ATAD5: variants seen among roughly 807,000 people sequenced by gnomAD.
ATAD5 encodes ATPase family AAA domain-containing protein 5.
Under a neutral mutation model 176.9 loss-of-function variants are expected in ATAD5, and 58 were observed. The observed-to-expected ratio is 0.33, with a 90% confidence interval of 0.27 to 0.41. The LOEUF is 0.41. ATAD5 is among the 10% of genes least tolerant of loss of function. ATAD5 has a pLI of 1.00. For synonymous variants in ATAD5, 640 were observed against 712.6 expected (o/e 0.90, Z 1.62); for missense variants, 1,789 against 2,094.1 (o/e 0.85, Z 2.84).
chr17:30,837,104 G>T (rs1344149038), intron 2 of ATAD5, 102 bp from the exon 3 acceptor site: 1 of 656,676 alleles, frequency 1.5e-6, no homozygotes, highest in Admixed American at 3.7e-5. Context: ...GGGATTACAT[G>T]CAGATGCCAC....
chr17:30,833,403 A>C (rs1400224594), intron 1 of ATAD5, among the ~76,000 whole-genome samples: 4 of 152,196 alleles, frequency 2.6e-5, no homozygotes, highest in Non-Finnish European at 5.9e-5. Context: ...TGTTAGGGGT[A>C]AGAACCTTAA....
rs770420358 is a variant in ATAD5, at chr17:30,893,984, G to A, written c.5131G>A (p.Ala1711Thr). 4 of 1,613,928 alleles carry A rather than the reference G, an allele frequency of 2.5e-6. No homozygotes were observed. The highest frequency in any genetic ancestry group is 2.5e-6 in the Non-Finnish European group (3 of 1,179,902). Residue 1711 changes from alanine to threonine, a missense_variant, in exon 21 of 23, where the codon GCT becomes ACT. Around this residue, in one of 6 missense-constraint regions of ATAD5, gnomAD observed 403 missense variants for 495.1 expected, o/e 0.81. Coordinates refer to ENST00000321990, the MANE Select transcript of ATAD5 (RefSeq NM_024857.5). The stretch of plus-strand genomic sequence containing the variant: ...TCAAAGCTCTGGAGAATTAAAGGCA[G>A]CTGCAGAAGCTCTCAGCTTTACTAA... ...TSQSSGELKA[A>T]AEALSFTKCS...
In ATAD5 at chr17:30,877,569, C is replaced by T; in HGVS notation, c.3918+20C>T. 1 of 1,588,160 alleles carries T rather than the reference C, an allele frequency of 6.3e-7. No individual in the cohort carries two copies. Among genetic ancestry groups the T allele is most frequent in the Non-Finnish European group, 8.5e-7 (1 of 1,172,016 alleles). On this transcript the variant is annotated intron_variant, in intron 16 of 22. Coordinates refer to ENST00000321990, the MANE Select transcript of ATAD5 (RefSeq NM_024857.5). ...GAGGAGGTAGGCTTATAGAAGTATA[C>T]ATTTGTGAGAGCTCATGATAAAGAC...
At chr17:30,881,592 C>T (rs966005653) in intron 18 of ATAD5, among the ~76,000 whole-genome samples, 7 of 151,990 alleles carry the variant, frequency 4.6e-5, no homozygotes, top group South Asian at 4.1e-4. Context: ...CGTGAGCCAC[C>T]GCGCCCGACC....
rs1908218047 is a variant in ATAD5, at chr17:30,869,531, T to C, written c.3492T>C (p.Gly1164=). 6.2e-7 allele frequency: 1 copy of C among 1,613,076 alleles called. No individual in the cohort carries two copies. The change falls in exon 14 of 23, where the codon GGT becomes GGC. Residue 1164 remains glycine, a synonymous_variant. Coordinates refer to ENST00000321990, the MANE Select transcript of ATAD5 (RefSeq NM_024857.5). ...TGAATGCCTCTTCCCAGCGCAGTGG[T>C]AGACAAATTCTATCTCAGTTGAAGG... ...FEVNASSQRS[G]RQILSQLKEA... is the part of the protein sequence containing the mutation.
At chr17:30,891,134 C>T (rs1012456107) in intron 19 of ATAD5, among the ~76,000 whole-genome samples, 12 of 152,220 alleles carry the variant, frequency 7.9e-5, no homozygotes, top group Admixed American at 3.3e-4. Flanking sequence ...GGGTCACAAA[C>T]GGTGTATATA....
chr17:30,862,784 T>G (rs1477984800), intron 10 of ATAD5: 1 of 152,230 alleles, frequency 6.6e-6, no homozygotes. Flanking sequence ...TATTGATTTA[T>G]TCATTTATAT....
rs533945474 is a variant in ATAD5, at chr17:30,889,249, C to T, written c.4258+1877C>T. Among the ~76,000 whole-genome samples, 7 of 148,660 alleles carry T rather than the reference C, an allele frequency of 4.7e-5. No homozygotes were observed. In the East Asian group the frequency reaches 1.4e-3, roughly 29 times the overall value. On this transcript the variant is annotated intron_variant, in intron 19 of 22. Transcript: ENST00000321990. Reference sequence around the variant, plus strand: ...ACTCTTCATGGGCAGGATCATAATGCACAGCCCTGAACTCCTGGGCTCAAG... The same window carrying T: ...ACTCTTCATGGGCAGGATCATAATGTACAGCCCTGAACTCCTGGGCTCAAG...
At chr17:30,873,519 T>C (rs145955419) in intron 14 of ATAD5, among the ~76,000 whole-genome samples, 75 of 152,070 alleles carry the variant, frequency 4.9e-4, no homozygotes, top group African/African-American at 1.4e-3. Flanking sequence ...GGTTTCACCA[T>C]GTTGGCTAGG....
At chr17:30,844,986 T>A in intron 6 of ATAD5, 70 bp downstream of exon 6, 1 of 1,307,336 alleles carries the variant, frequency 7.6e-7, no homozygotes, top group Non-Finnish European at 1.1e-6. Context: ...GTGTTTACTT[T>A]GATGAGAAAG....
intron 4 of ATAD5, among the ~76,000 whole-genome samples, chr17:30,841,272 G>A (rs1906095921): frequency 6.6e-6 from 1 of 151,950 alleles, no homozygotes; most frequent in Non-Finnish European, 1.5e-5. Context: ...GGCCTACTAG[G>A]GTGCCAGCCC....
rs999796 is a variant in ATAD5, at chr17:30,832,386, G to C, written c.39G>C (p.Pro13=). ...GVLAMAAAAA[P]PPVKDCEIEP... ...TGGCCATGGCGGCTGCAGCTGCTCCGCCTCCCGTGAAGGACTGCGAGATTG... is the reference window on the plus strand; with the variant it reads ...TGGCCATGGCGGCTGCAGCTGCTCCCCCTCCCGTGAAGGACTGCGAGATTG... Residue 13 remains proline, a synonymous_variant, in exon 1 of 23, where the codon CCG becomes CCC. Transcript: ENST00000321990. 222,447 of 1,558,698 alleles carry C rather than the reference G, an allele frequency of 0.14. 22,406 individuals carry two copies. Among genetic ancestry groups the C allele is most frequent in the African/African-American group, 0.49 (35,106 of 71,476 alleles).
At chr17:30,881,699 G>A (rs1419573552) in intron 18 of ATAD5, among the ~76,000 whole-genome samples, 1 of 152,064 alleles carries the variant, frequency 6.6e-6, no homozygotes, top group East Asian at 1.9e-4. Context: ...GATCACTTGA[G>A]TCCAGGAGTT....
Position 30,890,418 on chromosome 17 carries a change from C to CTTTT in ATAD5, c.4259-2171_4259-2168dup, listed in dbSNP as rs968126768. 6.6e-4 allele frequency among the ~76,000 whole-genome samples: 70 copies of CTTTT among 106,704 alleles called. 1 individual carries two copies. The highest frequency in any genetic ancestry group is 8.3e-4 in the Non-Finnish European group (43 of 51,924). 70.0% of individuals were successfully genotyped at this position (106,704 alleles called of 152,430 possible). A position where few individuals can be genotyped will look rare whatever the true frequency, so the allele number is the denominator to read the frequency against. ...AGTACAGCATAATTTCTCTTCTTTT[C>CTTTT]TTTTTTTTTTTTTTTTTTTTTGAGA... On this transcript the variant is annotated intron_variant, in intron 19 of 22. Transcript: ENST00000321990.
At chr17:30,851,170 T>G (rs1483772300) in intron 6 of ATAD5, among the ~76,000 whole-genome samples, 1 of 145,384 alleles carries the variant, frequency 6.9e-6, no homozygotes, top group Non-Finnish European at 1.5e-5. Flanking sequence ...ATTATAGGCG[T>G]GAGCCACCGT....
chr17:30,834,748 G>A lies in ATAD5; in HGVS notation c.667G>A (p.Ala223Thr), dbSNP rs1409697096. 5 of 1,613,934 alleles carry A rather than the reference G, an allele frequency of 3.1e-6. No homozygotes were observed. In the South Asian group the frequency reaches 4.4e-5, roughly 14 times the overall value. Residue 223 changes from alanine (A) to threonine (T), a missense_variant, in exon 2 of 23, where the codon GCA becomes ACA. By Grantham distance (58) the Ala-to-Thr change is moderately conservative (BLOSUM62 0). Coordinates refer to ENST00000321990, the MANE Select transcript of ATAD5 (RefSeq NM_024857.5). ...AGATCTATCTGAAAGCTTACCCTTG[G>A]CAGAGGAACTAAATTTGCTTAAAAA... ...VVDLSESLPL[A>T]EELNLLKKDG... is the part of the protein sequence containing the mutation.
chr17:30,874,290 C>A (rs966676568), intron 14 of ATAD5, among the ~76,000 whole-genome samples: 4 of 151,702 alleles, frequency 2.6e-5, no homozygotes, highest in African/African-American at 4.8e-5. Context: ...TGCCTGTAAT[C>A]CCAGCACTTT....
chr17:30,884,390 C>T (rs545326951), intron 18 of ATAD5, among the ~76,000 whole-genome samples: 1 of 147,620 alleles, frequency 6.8e-6, no homozygotes, highest in Non-Finnish European at 1.5e-5. Context: ...ATATAGCTTA[C>T]AGTGTTTTAC....
Position 30,865,772 on chromosome 17 carries a change from A to C in ATAD5, c.3205A>C (p.Asn1069His). Residue 1069 changes from asparagine (N) to histidine (H), a missense_variant, in exon 11 of 23, where the codon AAT (asparagine) becomes CAT (histidine). This residue lies in a region of ATAD5 where 487 missense variants were observed against 573.6 expected (regional missense o/e 0.85). Coordinates refer to ENST00000321990, the MANE Select transcript of ATAD5 (RefSeq NM_024857.5). ...TCAGACTGCCAGTGAACTTATAGGA[A>C]ATGAGTTAGCTATAAAAAAGTTACA... Reference protein sequence around the residue: ...QPQTASELIGNELAIKKLHSW... With the variant: ...QPQTASELIGHELAIKKLHSW... 6.3e-7 allele frequency: 1 copy of C among 1,592,382 alleles called. No homozygotes were observed. Among genetic ancestry groups the C allele is most frequent in the South Asian group, 1.2e-5 (1 of 86,392 alleles).
Sources: gnomAD v4.1 joint callset for allele counts (sites outside exome capture counted in the v4.1 genomes callset) on GRCh38, gnomAD v4.1.1 for gene constraint, gnomAD v4.1.1 regional missense constraint, MANE v1.5 for transcripts, NCBI Gene and HGNC (gene_info 2026-07-23, HGNC 2026-07-21) for gene names.